WWOX: variants seen among roughly 807,000 people sequenced by gnomAD.
WWOX encodes the protein WW domain-containing oxidoreductase.
In WWOX, 69 loss-of-function variants were observed where a neutral mutation model predicts 46.2. That is an observed-to-expected ratio of 1.49 (90% confidence interval 1.23 to 1.82). The LOEUF (loss-of-function observed/expected upper bound fraction) is 1.82. Ranked by LOEUF, WWOX falls within the 40% of genes most tolerant of loss-of-function variation. WWOX has a pLI of 0.00. For synonymous variants in WWOX, 359 were observed against 202.6 expected (o/e 1.77, Z -6.56); for missense variants, 919 against 542.6 (o/e 1.69, Z -6.89).
At position 79,071,411 on chromosome 16, in the gene WWOX, TC is replaced by T. The variant is rs542072977; in HGVS notation, c.1057-140196del. ...TGAAATACAGAAGGGGTTGTGCGTTTCTTCCCCCCTCATCTCTTAGAGCCCT... is the reference window on the plus strand; with the variant it reads ...TGAAATACAGAAGGGGTTGTGCGTTTTTCCCCCCTCATCTCTTAGAGCCCT... On this transcript the variant is annotated intron_variant, in intron 8 of 8. Transcript: ENST00000566780. Among the ~76,000 whole-genome samples the T allele has an allele frequency of 1.6e-3, 242 of 152,348 alleles. 1 individual carries two copies. The highest frequency in any genetic ancestry group is 5.5e-3 in the African/African-American group (229 of 41,594).
intron 8 of WWOX, among the ~76,000 whole-genome samples, chr16:78,806,061 C>A (rs556680347): frequency 1.4e-3 from 217 of 152,282 alleles, no homozygotes; most frequent in African/African-American, 5.0e-3. Context: ...TAGATCTTAG[C>A]AGTCAAAGCA....
intron 8 of WWOX, among the ~76,000 whole-genome samples, chr16:79,136,929 C>T (rs1023836633): frequency 1.3e-5 from 2 of 152,180 alleles, no homozygotes; most frequent in Non-Finnish European, 2.9e-5. Context: ...CAATCAATTA[C>T]ATGTGATTAA....
At chr16:78,384,902 G>C (rs534439169) in intron 5 of WWOX, among the ~76,000 whole-genome samples, 1 of 152,074 alleles carries the variant, frequency 6.6e-6, no homozygotes, top group Non-Finnish European at 1.5e-5. Context: ...TTCGGAGGCC[G>C]GGGTGGGTGG....
chr16:78,361,067 C>G (rs535920482), intron 5 of WWOX, among the ~76,000 whole-genome samples: 1 of 152,150 alleles, frequency 6.6e-6, no homozygotes, highest in South Asian at 2.1e-4. Context: ...AAGAAATCTG[C>G]TTACCTCGGC....
rs551789402 is a variant in WWOX at position 78,121,391 on chromosome 16, T to G, written c.409+6237T>G. On this transcript the variant is annotated intron_variant, in intron 4 of 8. Transcript: ENST00000566780. Reference sequence around the variant, plus strand: ...GTTAGACAAAGTCCTTAAATGACATTATATAAAAATTGAGAATTAGTACCT... The same window carrying G: ...GTTAGACAAAGTCCTTAAATGACATGATATAAAAATTGAGAATTAGTACCT... 2.0e-5 allele frequency among the ~76,000 whole-genome samples: 3 copies of G among 152,288 alleles called. No individual in the cohort carries two copies. In the East Asian group the frequency reaches 5.8e-4, roughly 29 times the overall value.
intron 8 of WWOX, among the ~76,000 whole-genome samples, chr16:78,537,114 G>A (rs1171941316): frequency 2.0e-5 from 3 of 151,814 alleles, no homozygotes; most frequent in Admixed American, 6.6e-5. Flanking sequence ...GCGGGGTTTT[G>A]CCATGTTGTC....
chr16:78,126,753 C>A (rs2033379174), intron 4 of WWOX, among the ~76,000 whole-genome samples: 1 of 152,174 alleles, frequency 6.6e-6, no homozygotes, highest in South Asian at 2.1e-4. Context: ...AAATCAAAGG[C>A]ACTGTTGCTT....
intron 8 of WWOX, among the ~76,000 whole-genome samples, chr16:78,610,536 G>A (rs1243969353): frequency 1.3e-5 from 2 of 152,072 alleles, no homozygotes; most frequent in Non-Finnish European, 2.9e-5. Context: ...TGTCTTACCT[G>A]GACATATTAA....
intron 8 of WWOX, among the ~76,000 whole-genome samples, chr16:78,630,876 G>GC (rs201638006): frequency 6.8e-6 from 1 of 147,922 alleles, no homozygotes; most frequent in South Asian, 2.1e-4. Context: ...TATGCAGTCA[G>GC]CCCCCCTCTC....
At chr16:79,006,473 C>G (rs565747773) in intron 8 of WWOX, among the ~76,000 whole-genome samples, 1 of 151,800 alleles carries the variant, frequency 6.6e-6, no homozygotes, top group East Asian at 1.9e-4. Flanking sequence ...ACAAAAATTT[C>G]TTGAATGCTT....
chr16:78,957,749 A>G (rs1264201266), intron 8 of WWOX, among the ~76,000 whole-genome samples: 1 of 152,236 alleles, frequency 6.6e-6, no homozygotes, highest in Non-Finnish European at 1.5e-5. Flanking sequence ...GGCAAACACC[A>G]TAGGAACGGA....
At chr16:78,903,221 G>A (rs2151244572) in intron 8 of WWOX, among the ~76,000 whole-genome samples, 1 of 152,300 alleles carries the variant, frequency 6.6e-6, no homozygotes, top group East Asian at 1.9e-4. Flanking sequence ...AAATGAAGTG[G>A]TGGCCTGCAA....
chr16:78,631,905 T>G, intron 8 of WWOX, among the ~76,000 whole-genome samples: 1 of 152,192 alleles, frequency 6.6e-6, no homozygotes, highest in South Asian at 2.1e-4. Context: ...CATGCACTTT[T>G]TGATTTAAAT....
intron 8 of WWOX, among the ~76,000 whole-genome samples, chr16:79,195,471 A>T (rs2051221168): frequency 6.6e-6 from 1 of 152,194 alleles, no homozygotes; most frequent in South Asian, 2.1e-4. Flanking sequence ...GTTCCTGAGG[A>T]GGGACTCATA....
At chr16:78,750,532 T>C (rs1331154262) in intron 8 of WWOX, among the ~76,000 whole-genome samples, 1 of 152,056 alleles carries the variant, frequency 6.6e-6, no homozygotes, top group African/African-American at 2.4e-5. Flanking sequence ...TGTAGGTCTG[T>C]TACATGGATA....
chr16:78,486,526 T>C (rs1019884683), intron 8 of WWOX, among the ~76,000 whole-genome samples: 2 of 152,178 alleles, frequency 1.3e-5, no homozygotes, highest in Non-Finnish European at 2.9e-5. Flanking sequence ...GACCTGGTTG[T>C]TGTACACTAC....
chr16:78,780,718 C>T (rs542359341), intron 8 of WWOX, among the ~76,000 whole-genome samples: 1 of 152,092 alleles, frequency 6.6e-6, no homozygotes, highest in Non-Finnish European at 1.5e-5. Flanking sequence ...AGTGCAGGGT[C>T]CCTGAGGCAG....
At chr16:78,622,162 A>G (rs2046204979) in intron 8 of WWOX, among the ~76,000 whole-genome samples, 1 of 152,104 alleles carries the variant, frequency 6.6e-6, no homozygotes, top group Non-Finnish European at 1.5e-5. Context: ...GAAATTTGGG[A>G]TTCTATCCTT....
At chr16:78,631,984 A>G (rs888060568) in intron 8 of WWOX, among the ~76,000 whole-genome samples, 1 of 151,886 alleles carries the variant, frequency 6.6e-6, no homozygotes, top group African/African-American at 2.4e-5. Flanking sequence ...CTTACTCGGA[A>G]AAATAAAACA....
Sources: gnomAD v4.1 joint callset for allele counts (sites outside exome capture counted in the v4.1 genomes callset) on GRCh38, gnomAD v4.1.1 for gene constraint, MANE v1.5 for transcripts, NCBI Gene and HGNC (gene_info 2026-07-23, HGNC 2026-07-21) for gene names.